Variants in YAF2 observed in about 807,000 individuals in gnomAD.
YAF2 encodes the protein YY1 associated factor 2, also known as YY1-associated factor 2.
In YAF2, 7 loss-of-function variants were observed where a neutral mutation model predicts 20.1. That is an observed-to-expected ratio of 0.35 (90% CI 0.20 to 0.65). The LOEUF is 0.65. YAF2 is among the 30% of genes least tolerant of loss of function. The probability of loss-of-function intolerance (pLI) is 0.69; values close to 1 mark genes in which losing one functional copy is unlikely to be tolerated. For missense variants in YAF2, 151 were observed against 219.2 expected, an observed-to-expected ratio of 0.69 and a Z score of 1.96; for synonymous variants, 74 against 76.0, an observed-to-expected ratio of 0.97 and a Z score of 0.14.
intron 2 of YAF2, chr12:42,210,552 C>T (rs1280214081): frequency 6.5e-7 from 1 of 1,535,930 alleles, no homozygotes; most frequent in African/African-American, 1.4e-5. Flanking sequence ...GCTTACCTTC[C>T]TGAAATTGGA....
rs2065758927 is a variant in YAF2 at position 42,159,488 on chromosome 12, G to A, written c.*1101C>T. 1 of 151,930 alleles carries A rather than the reference G, an allele frequency of 6.6e-6. No homozygotes were observed. Among genetic ancestry groups the A allele is most frequent in the African/African-American group, 2.4e-5 (1 of 41,406 alleles). 9.4% of individuals were successfully genotyped at this position (151,930 alleles called of 1,614,324 possible). A position where few individuals can be genotyped will look rare whatever the true frequency, so the allele number is the denominator to read the frequency against. The stretch of plus-strand genomic sequence containing the variant: ...TTGGTAATTTTACATAGTATAAGTG[G>A]GGCTATACTTTTTTCCTTTCAGGAT... On this transcript the variant is annotated 3_prime_UTR_variant, in exon 4 of 4. Transcript: ENST00000534854.
chr12:42,167,297 A>G (rs1466483768), intron 2 of YAF2, among the ~76,000 whole-genome samples: 1 of 152,232 alleles, frequency 6.6e-6, no homozygotes, highest in Admixed American at 6.5e-5. Flanking sequence ...CCCAGAACTT[A>G]CAGTAAAATA....
chr12:42,183,297 C>T (rs924346065), intron 2 of YAF2, among the ~76,000 whole-genome samples: 5 of 152,074 alleles, frequency 3.3e-5, no homozygotes, highest in East Asian at 3.9e-4. Flanking sequence ...TGTTCAGGTG[C>T]GAGGAAGAGG....
intron 2 of YAF2, among the ~76,000 whole-genome samples, chr12:42,206,362 AC>A (rs2067041245): frequency 1.3e-5 from 2 of 151,470 alleles, no homozygotes; most frequent in African/African-American, 4.9e-5. Flanking sequence ...TAATCCCAGC[AC>A]CTTGGGAGGC....
intron 2 of YAF2, among the ~76,000 whole-genome samples, chr12:42,228,414 C>T (rs527352104): frequency 3.5e-4 from 16 of 46,340 alleles, no homozygotes; most frequent in African/African-American, 5.9e-4. Flanking sequence ...CCGCCCCGTC[C>T]GGGAGGGAGG....
chr12:42,229,965 G>C (rs939118039), intron 2 of YAF2, among the ~76,000 whole-genome samples: 1 of 152,158 alleles, frequency 6.6e-6, no homozygotes, highest in Non-Finnish European at 1.5e-5. Flanking sequence ...ATCCTAGAGG[G>C]CTTCTTTGAA....
intron 2 of YAF2, among the ~76,000 whole-genome samples, chr12:42,219,733 A>T (rs2137294032): frequency 6.6e-6 from 1 of 152,318 alleles, no homozygotes; most frequent in East Asian, 1.9e-4. Flanking sequence ...ATCCAGAAAA[A>T]ATACAGCAGT....
chr12:42,191,374 CT>C (rs201603450), intron 2 of YAF2, among the ~76,000 whole-genome samples: 2 of 151,372 alleles, frequency 1.3e-5, no homozygotes, highest in South Asian at 4.2e-4. Flanking sequence ...AATCCACTGA[CT>C]TTTTTTTTGC....
chr12:42,175,102 G>A (rs577708233), intron 2 of YAF2, among the ~76,000 whole-genome samples: 12 of 152,210 alleles, frequency 7.9e-5, no homozygotes, highest in Admixed American at 2.6e-4. Context: ...CATTTGTAAT[G>A]GCCCAAAACT....
At chr12:42,210,366 G>A in intron 2 of YAF2, 4 of 1,527,346 alleles carry the variant, frequency 2.6e-6, no homozygotes, top group Non-Finnish European at 3.5e-6. Flanking sequence ...AGTAACTTGA[G>A]TTATCCTATT....
At chr12:42,219,539 T>C (rs1466587267) in intron 2 of YAF2, among the ~76,000 whole-genome samples, 1 of 152,112 alleles carries the variant, frequency 6.6e-6, no homozygotes, top group Non-Finnish European at 1.5e-5. Flanking sequence ...ACCAGAGATA[T>C]AGACACAGAG....
At position 42,237,664 on chromosome 12, in the gene YAF2, G is replaced by A. The variant is rs2137470610; in HGVS notation, c.87C>T (p.Thr29=). Residue 29 remains threonine (T), a synonymous_variant, in exon 2 of 4, where the codon ACC becomes ACT. Coordinates refer to ENST00000534854, the MANE Select transcript of YAF2 (RefSeq NM_005748.6). ...TGAAGGCCTCGGCGCTGTTCCGGAA[G>A]GTGCAGACGCTACAGTCCCAGTAAC... The part of the protein sequence containing the change: ...DEGYWDCSVC[T]FRNSAEAFKC... 2 of 1,588,244 alleles carry A rather than the reference G, an allele frequency of 1.3e-6. No individual in the cohort carries two copies. Among genetic ancestry groups the A allele is most frequent in the Non-Finnish European group, 1.7e-6 (2 of 1,168,822 alleles).
chr12:42,207,752 G>T (rs561873104), intron 2 of YAF2, among the ~76,000 whole-genome samples: 1 of 152,022 alleles, frequency 6.6e-6, no homozygotes, highest in Non-Finnish European at 1.5e-5. Context: ...TTAGCCGGGC[G>T]TCGTGGCGGG....
intron 2 of YAF2, among the ~76,000 whole-genome samples, chr12:42,171,388 T>A (rs1187208453): frequency 6.6e-6 from 1 of 152,026 alleles, no homozygotes; most frequent in African/African-American, 2.4e-5. Flanking sequence ...CTCAGGAGGC[T>A]GAGGCAGGAG....
chr12:42,207,709 G>A (rs1045162392), intron 2 of YAF2, among the ~76,000 whole-genome samples: 3 of 151,932 alleles, frequency 2.0e-5, no homozygotes, highest in Admixed American at 6.6e-5. Context: ...TGGCTAACAC[G>A]GTGAAACCCC....
intron 2 of YAF2, among the ~76,000 whole-genome samples, chr12:42,221,561 TA>T (rs201340047): frequency 2.6e-5 from 4 of 152,072 alleles, no homozygotes; most frequent in Admixed American, 1.3e-4. Flanking sequence ...TCTATCTCTT[TA>T]AAAAAAATTT....
At chr12:42,215,285 T>C (rs1315259612) in intron 2 of YAF2, among the ~76,000 whole-genome samples, 1 of 151,668 alleles carries the variant, frequency 6.6e-6, no homozygotes, top group Non-Finnish European at 1.5e-5. Context: ...TGAAATCCAG[T>C]GTAGGCTGGG....
intron 2 of YAF2, among the ~76,000 whole-genome samples, chr12:42,174,257 C>T (rs928086098): frequency 1.3e-5 from 2 of 152,120 alleles, no homozygotes; most frequent in African/African-American, 4.8e-5. Context: ...CTTGTCCTTC[C>T]ACTCCAGCAA....
intron 2 of YAF2, among the ~76,000 whole-genome samples, chr12:42,214,297 A>G (rs1252637591): frequency 6.6e-6 from 1 of 152,120 alleles, no homozygotes; most frequent in East Asian, 1.9e-4. Context: ...CCTTTGAGAC[A>G]AGGTCTGGCT....
Sources: gnomAD v4.1 joint callset for allele counts (sites outside exome capture counted in the v4.1 genomes callset) on GRCh38, gnomAD v4.1.1 for gene constraint, MANE v1.5 for transcripts, NCBI Gene and HGNC (gene_info 2026-07-23, HGNC 2026-07-21) for gene names.